The following XYLT1 variants were observed in gnomAD, a reference collection of about 807,000 sequenced individuals.
The protein encoded by XYLT1 is xylosyltransferase 1, also known as beta-D-xylosyltransferase 1.
XYLT1 carries 36 observed loss-of-function variants against 91.3 expected under a neutral mutation model. The observed-to-expected ratio is 0.39, with a 90% CI of 0.30 to 0.52. The LOEUF (loss-of-function observed/expected upper bound fraction) is 0.52, where lower values mean the gene tolerates loss of function less well. Ranked by LOEUF, XYLT1 falls within the 20% of genes least tolerant of loss-of-function variation. The probability of loss-of-function intolerance (pLI) is 0.68; values close to 1 mark genes in which losing one functional copy is unlikely to be tolerated. For synonymous variants in XYLT1, 588 were observed against 532.0 expected, an observed-to-expected ratio of 1.11 and a Z score of -1.45; for missense variants, 1,242 against 1,284.5, an observed-to-expected ratio of 0.97 and a Z score of 0.51.
intron 8 of XYLT1, among the ~76,000 whole-genome samples, chr16:17,136,030 G>C (rs554077566): frequency 1.3e-5 from 2 of 152,332 alleles, no homozygotes; most frequent in African/African-American, 4.8e-5. Context: ...TTATTGTCTA[G>C]TGTTATTATT....
At chr16:17,113,564 T>C (rs554252693) in intron 11 of XYLT1, among the ~76,000 whole-genome samples, 6 of 150,086 alleles carry the variant, frequency 4.0e-5, no homozygotes, top group African/African-American at 1.5e-4. Context: ...CGCTCTGGCC[T>C]CCTCCTGTCC....
At chr16:17,326,741 C>T (rs1255319314) in intron 2 of XYLT1, among the ~76,000 whole-genome samples, 1 of 151,740 alleles carries the variant, frequency 6.6e-6, no homozygotes, top group Non-Finnish European at 1.5e-5. Flanking sequence ...AGGAGAATGG[C>T]GTGAACCGGG....
chr16:17,157,591 T>G (rs2031438200), intron 6 of XYLT1, among the ~76,000 whole-genome samples: 1 of 152,144 alleles, frequency 6.6e-6, no homozygotes, highest in Non-Finnish European at 1.5e-5. Context: ...AATTTTCAAA[T>G]GAAGCACCTG....
At chr16:17,422,438 A>ATCC (rs1416745405) in intron 1 of XYLT1, among the ~76,000 whole-genome samples, 2 of 152,138 alleles carry the variant, frequency 1.3e-5, no homozygotes, top group African/African-American at 4.8e-5. Flanking sequence ...GACTCAAGTG[A>ATCC]TCCTCCCACT....
In XYLT1 at chr16:17,246,805, C is replaced by T. The variant is rs185312449; in HGVS notation, c.913+12183G>A. Among the ~76,000 whole-genome samples the T allele has an allele frequency of 7.9e-5, 12 of 152,334 alleles. No homozygotes were observed. In the East Asian group the frequency reaches 2.3e-3, roughly 29 times the overall value. ...CAGGATATGCTATAGCAGCCAGTCTCACCTAAGGGTCCCCAACAGAATTAA... is the reference window on the plus strand; with the variant it reads ...CAGGATATGCTATAGCAGCCAGTCTTACCTAAGGGTCCCCAACAGAATTAA... On this transcript the variant is annotated intron_variant, in intron 3 of 11. Coordinates refer to ENST00000261381, the MANE Select transcript of XYLT1 (RefSeq NM_022166.4).
chr16:17,228,863 C>G (rs2033113637), intron 3 of XYLT1, among the ~76,000 whole-genome samples: 1 of 152,178 alleles, frequency 6.6e-6, no homozygotes, highest in South Asian at 2.1e-4. Flanking sequence ...AGATTGTATC[C>G]TCATTCTAAG....
intron 2 of XYLT1, among the ~76,000 whole-genome samples, chr16:17,302,918 CGAGA>C (rs2034418018): frequency 1.3e-5 from 2 of 151,780 alleles, no homozygotes; most frequent in South Asian, 4.1e-4. Flanking sequence ...AAAGAGAAAG[CGAGA>C]GAGAGCTAGC....
At chr16:17,442,013 A>T (rs2036538087) in intron 1 of XYLT1, among the ~76,000 whole-genome samples, 1 of 151,810 alleles carries the variant, frequency 6.6e-6, no homozygotes, top group Non-Finnish European at 1.5e-5. Flanking sequence ...TAACATTTGC[A>T]CTGGTGGCTG....
At chr16:17,150,237 A>G (rs2031248674) in intron 6 of XYLT1, among the ~76,000 whole-genome samples, 1 of 152,100 alleles carries the variant, frequency 6.6e-6, no homozygotes, top group African/African-American at 2.4e-5. Context: ...CCTGCTAGCC[A>G]TTTCTCTCAG....
In XYLT1 at chr16:17,359,467, G is replaced by A. The variant is rs950404056; in HGVS notation, c.364-1417C>T. Among the ~76,000 whole-genome samples, 12 of 152,258 alleles carry A rather than the reference G, an allele frequency of 7.9e-5. No homozygotes were observed. In the South Asian group the frequency reaches 1.2e-3, roughly 16 times the overall value. On this transcript the variant is annotated intron_variant, in intron 1 of 11. Coordinates refer to ENST00000261381, the MANE Select transcript of XYLT1 (RefSeq NM_022166.4). ...CAATTCTGAGGAGTGTAAGAGGCAC[G>A]ATCTCAGAAATACGGTGAGCTCTGC... is the stretch of plus-strand genomic sequence containing the variant.
chr16:17,121,094 TC>T (rs1183177673), intron 10 of XYLT1, among the ~76,000 whole-genome samples: 1 of 152,168 alleles, frequency 6.6e-6, no homozygotes, highest in Non-Finnish European at 1.5e-5. Context: ...TGGACTTCCC[TC>T]CATGCACTAG....
rs540342591 is a variant in XYLT1 at position 17,288,297 on chromosome 16, G to T, written c.403-28799C>A. 2.0e-5 allele frequency among the ~76,000 whole-genome samples: 3 copies of T among 151,098 alleles called. No individual in the cohort carries two copies. In the East Asian group the frequency reaches 5.9e-4, roughly 30 times the overall value. On this transcript the variant is annotated intron_variant, in intron 2 of 11. Transcript: ENST00000261381. ...CCTTCTCCAATATAAAAATAGTGCA[G>T]TGTCCAAGCAGAGAGGCTACAAGAT...
At chr16:17,232,683 TA>T (rs2033184730) in intron 3 of XYLT1, among the ~76,000 whole-genome samples, 1 of 151,148 alleles carries the variant, frequency 6.6e-6, no homozygotes, top group African/African-American at 2.4e-5. Flanking sequence ...GTGAAAGAGA[TA>T]ATAAGGTGGT....
chr16:17,364,301 A>C (rs2035420824), intron 1 of XYLT1, among the ~76,000 whole-genome samples: 1 of 152,230 alleles, frequency 6.6e-6, no homozygotes, highest in East Asian at 1.9e-4. Flanking sequence ...ACCTTTTTGT[A>C]AGGGACACTA....
At chr16:17,345,035 T>A (rs2141850446) in intron 2 of XYLT1, among the ~76,000 whole-genome samples, 1 of 152,252 alleles carries the variant, frequency 6.6e-6, no homozygotes, top group Non-Finnish European at 1.5e-5. Flanking sequence ...CCTGGCCATG[T>A]CTGAACATAC....
In XYLT1 at chr16:17,134,514, C is replaced by T; in HGVS notation, c.1986G>A (p.Arg662=). ...YHSFARLGLR[R]AETSLHTDGE... Reference sequence around the variant, plus strand: ...CATCCGTGTGCAGGGACGTCTCGGCCCGTCGAAGACCCAGGCGGGCAAAGG... The same window carrying T: ...CATCCGTGTGCAGGGACGTCTCGGCTCGTCGAAGACCCAGGCGGGCAAAGG... The change falls in exon 9 of 12, where the codon CGG becomes CGA. Residue 662 remains arginine, a synonymous_variant. Transcript: ENST00000261381. 1 of 1,614,138 alleles carries T rather than the reference C, an allele frequency of 6.2e-7. No individual in the cohort carries two copies. Among genetic ancestry groups the T allele is most frequent in the East Asian group, 2.2e-5 (1 of 44,876 alleles).
intron 2 of XYLT1, among the ~76,000 whole-genome samples, chr16:17,282,184 C>CAAAA (rs2034067823): frequency 6.6e-6 from 1 of 152,196 alleles, no homozygotes; most frequent in Non-Finnish European, 1.5e-5. Flanking sequence ...AGGGGGCAAA[C>CAAAA]ACAGTCAGCA....
chr16:17,254,345 T>C (rs1158980726), intron 3 of XYLT1, among the ~76,000 whole-genome samples: 5 of 152,204 alleles, frequency 3.3e-5, no homozygotes, highest in Non-Finnish European at 5.9e-5. Flanking sequence ...TACTTTCTCC[T>C]CCTTATGATT....
At chr16:17,407,888 C>T (rs2036054605) in intron 1 of XYLT1, among the ~76,000 whole-genome samples, 1 of 152,056 alleles carries the variant, frequency 6.6e-6, no homozygotes, top group African/African-American at 2.4e-5. Context: ...TAGATCAATA[C>T]CCTCCTTCTA....
Sources: allele counts gnomAD v4.1 joint callset (sites outside exome capture counted in the v4.1 genomes callset), GRCh38; gene constraint gnomAD v4.1.1; transcripts MANE v1.5; gene names NCBI Gene and HGNC (gene_info 2026-07-23, HGNC 2026-07-21).